The following IDE variants were observed in gnomAD, a reference collection of about 807,000 sequenced individuals.
The protein encoded by IDE is insulin degrading enzyme.
Under a neutral mutation model 133.2 loss-of-function variants are expected in IDE, and 58 were observed. That is an observed-to-expected ratio of 0.44 (90% confidence interval 0.35 to 0.54). The LOEUF (loss-of-function observed/expected upper bound fraction) is 0.54. IDE is among the 20% of genes least tolerant of loss of function. The pLI is 0.00. For missense variants in IDE, 981 were observed against 1,234.0 expected (o/e 0.79, Z 3.07); for synonymous variants, 396 against 421.3 (o/e 0.94, Z 0.73).
At chr10:92,524,894 G>A (rs752143736) in intron 4 of IDE, among the ~76,000 whole-genome samples, 61 of 149,450 alleles carry the variant, frequency 4.1e-4, no homozygotes, top group South Asian at 2.4e-3. Flanking sequence ...CAGCCTGGGC[G>A]AAAGAGTGAG....
chr10:92,517,969 G>C (rs1053681699), intron 4 of IDE, among the ~76,000 whole-genome samples: 1 of 152,026 alleles, frequency 6.6e-6, no homozygotes, highest in African/African-American at 2.4e-5. Context: ...ACCTAGTTCT[G>C]CTTTACTGCC....
At chr10:92,514,870 A>G in intron 5 of IDE, 50 bp downstream of exon 5, 1 of 1,509,858 alleles carries the variant, frequency 6.6e-7, no homozygotes, top group Non-Finnish European at 9.1e-7. Flanking sequence ...AAAAGCCAAC[A>G]TTAAAAACTT....
chr10:92,480,935 T>C (rs1437634573), intron 14 of IDE: 5 of 965,108 alleles, frequency 5.2e-6, no homozygotes, highest in Non-Finnish European at 3.7e-6. Context: ...AAAGCAAAAA[T>C]AGGGATAAAA....
intron 1 of IDE, among the ~76,000 whole-genome samples, chr10:92,565,397 G>A (rs1331418807): frequency 2.2e-5 from 3 of 135,298 alleles, no homozygotes; most frequent in African/African-American, 8.5e-5. Flanking sequence ...GCAACACAGC[G>A]AGACTCCATC....
chr10:92,511,930 G>A (rs898247281), intron 5 of IDE, among the ~76,000 whole-genome samples: 9 of 152,120 alleles, frequency 5.9e-5, no homozygotes, highest in Non-Finnish European at 2.9e-5. Flanking sequence ...GGTTCTACCA[G>A]GTGTATCTTT....
chr10:92,485,254 A>C (rs893922868), intron 13 of IDE, among the ~76,000 whole-genome samples: 1 of 150,520 alleles, frequency 6.6e-6, no homozygotes, highest in African/African-American at 2.4e-5. Context: ...CAGCCTCCTG[A>C]GTAGCTGGGA....
In IDE at chr10:92,531,854, T is replaced by C. The variant is rs1360542741; in HGVS notation, c.555A>G (p.Ala185=). ...CATTCTTCTCATGTTCTGAATCAAC[T>C]GCATTCACCTCTCTGTCTTTGCAAC... ...DESCKDREVN[A]VDSEHEKNVM... The change falls in exon 4 of 25, where the codon GCA becomes GCG. Residue 185 remains alanine, a synonymous_variant. Transcript: ENST00000265986. 13 of 1,592,322 alleles carry C rather than the reference T, an allele frequency of 8.2e-6. No individual in the cohort carries two copies. The highest frequency in any genetic ancestry group is 4.5e-5 in the East Asian group (2 of 44,048).
intron 1 of IDE, chr10:92,572,825 T>G (rs1843850552): frequency 4.3e-6 from 4 of 931,938 alleles, no homozygotes; most frequent in South Asian, 4.9e-5. Context: ...CCAACCTTTC[T>G]GCCATTCCTT....
chr10:92,495,157 G>A (rs536553495), intron 11 of IDE, among the ~76,000 whole-genome samples: 130 of 147,940 alleles, frequency 8.8e-4, no homozygotes, highest in African/African-American at 3.1e-3. Context: ...TCCACCTCCT[G>A]AGTTCAAGCG....
At chr10:92,501,037 T>C (rs1230319079) in intron 11 of IDE, among the ~76,000 whole-genome samples, 3 of 139,834 alleles carry the variant, frequency 2.1e-5, no homozygotes, top group Non-Finnish European at 4.6e-5. Flanking sequence ...TGAGATCCTG[T>C]CTCAGAAAAA....
At chr10:92,488,932 T>TAAAAAAAAA (rs56377277) in intron 12 of IDE, among the ~76,000 whole-genome samples, 5 of 78,982 alleles carry the variant, frequency 6.3e-5, no homozygotes, top group Non-Finnish European at 1.1e-4. Flanking sequence ...TTTCATTATT[T>TAAAAAAAAA]AAAAAAAAAA....
intron 6 of IDE, among the ~76,000 whole-genome samples, chr10:92,509,406 AAC>A (rs1848468386): frequency 6.6e-6 from 1 of 152,148 alleles, no homozygotes; most frequent in African/African-American, 2.4e-5. Flanking sequence ...CAGCCTGGCC[AAC>A]ATGGTGAAAC....
intron 11 of IDE, among the ~76,000 whole-genome samples, chr10:92,496,250 T>A (rs1424463083): frequency 5.3e-5 from 8 of 152,266 alleles, no homozygotes; most frequent in Admixed American, 2.6e-4. Flanking sequence ...CAACTTTTAC[T>A]GAGTTCTTAC....
chr10:92,515,103 G>A (rs1247362841), intron 4 of IDE, 61 bp from the exon 5 acceptor site: 6 of 1,347,630 alleles, frequency 4.5e-6, no homozygotes, highest in South Asian at 2.7e-5. Context: ...TTAAAGTTTT[G>A]TAATTATCAC....
At chr10:92,535,706 A>G (rs1192971041) in intron 2 of IDE, among the ~76,000 whole-genome samples, 1 of 152,186 alleles carries the variant, frequency 6.6e-6, no homozygotes, top group Admixed American at 6.5e-5. Context: ...AAAGAGGACA[A>G]AAAGAAACAC....
chr10:92,567,643 A>T (rs1371534355), intron 1 of IDE, among the ~76,000 whole-genome samples: 1 of 152,150 alleles, frequency 6.6e-6, no homozygotes, highest in Non-Finnish European at 1.5e-5. Flanking sequence ...GAATTTCCCT[A>T]CTTTTGAACC....
rs538922443 is a variant in IDE at position 92,460,623 on chromosome 10, A to G, written c.2823+568T>C. ...ATAAGCTAAAAGAAAAAAAATTTGCAAAATATCTCATAATGTGGGCTGTAC... is the reference window on the plus strand; with the variant it reads ...ATAAGCTAAAAGAAAAAAAATTTGCGAAATATCTCATAATGTGGGCTGTAC... On this transcript the variant is annotated intron_variant, in intron 22 of 24. Coordinates refer to ENST00000265986, the MANE Select transcript of IDE (RefSeq NM_004969.4). Among the ~76,000 whole-genome samples the G allele has an allele frequency of 2.0e-5, 3 of 152,328 alleles. No homozygotes were observed. In the South Asian group the frequency reaches 6.2e-4, roughly 32 times the overall value.
rs527828464 is a variant in IDE, at chr10:92,459,432, T to C, written c.2823+1759A>G. On this transcript the variant is annotated intron_variant, in intron 22 of 24. Transcript: ENST00000265986. ...GCACTGACTCCTATGCTGGTAGCTA[T>C]AGTACATCCCTAGAAAAAAATACTG... is the stretch of plus-strand genomic sequence containing the variant. 8.5e-5 allele frequency among the ~76,000 whole-genome samples: 13 copies of C among 152,308 alleles called. No individual in the cohort carries two copies. In the South Asian group the frequency reaches 2.5e-3, roughly 29 times the overall value.
At chr10:92,509,893 C>G (rs1274573592) in intron 6 of IDE, among the ~76,000 whole-genome samples, 157 bp downstream of exon 6, 1 of 148,682 alleles carries the variant, frequency 6.7e-6, no homozygotes, top group Non-Finnish European at 1.5e-5. Flanking sequence ...TGCATTCCAG[C>G]CTGGGTGACA....
Sources: gnomAD v4.1 joint callset for allele counts (sites outside exome capture counted in the v4.1 genomes callset) on GRCh38, gnomAD v4.1.1 for gene constraint, MANE v1.5 for transcripts, NCBI Gene and HGNC (gene_info 2026-07-23, HGNC 2026-07-21) for gene names.